ABLIM1: variants seen among roughly 807,000 people sequenced by gnomAD.
ABLIM1 encodes the protein actin-binding LIM protein 1.
Under a neutral mutation model 107.0 loss-of-function variants are expected in ABLIM1, and 40 were observed. That is an observed-to-expected ratio of 0.37 (90% confidence interval 0.29 to 0.49). The LOEUF (loss-of-function observed/expected upper bound fraction) is 0.49. Ranked by LOEUF, ABLIM1 falls within the 20% of genes least tolerant of loss-of-function variation. ABLIM1 has a pLI of 0.97. For synonymous variants in ABLIM1, 357 were observed against 357.3 expected (o/e 1.00, Z 0.01); for missense variants, 857 against 1,008.5 (o/e 0.85, Z 2.04).
intron 1 of ABLIM1, among the ~76,000 whole-genome samples, chr10:114,745,218 A>G (rs1270873876): frequency 1.3e-5 from 2 of 152,148 alleles, no homozygotes; most frequent in Non-Finnish European, 2.9e-5. Context: ...CTTAACTACA[A>G]TGCTATCCTG....
At chr10:114,738,189 C>T (rs1323821419) in intron 1 of ABLIM1, among the ~76,000 whole-genome samples, 1 of 152,144 alleles carries the variant, frequency 6.6e-6, no homozygotes, top group Non-Finnish European at 1.5e-5. Flanking sequence ...GCTGGGACTA[C>T]AGGCACGTGC....
intron 2 of ABLIM1, among the ~76,000 whole-genome samples, chr10:114,581,432 A>C (rs1591373173): frequency 6.6e-6 from 1 of 152,334 alleles, no homozygotes; most frequent in Admixed American, 6.5e-5. Flanking sequence ...AACATTTAAG[A>C]GAATGGGTCA....
At chr10:114,656,277 A>G (rs1253242215) in intron 1 of ABLIM1, among the ~76,000 whole-genome samples, 1 of 151,228 alleles carries the variant, frequency 6.6e-6, no homozygotes, top group Non-Finnish European at 1.5e-5. Context: ...CTCAAAAAAA[A>G]AAAAAAAAAA....
At chr10:114,801,187 G>A in the ABLIM1 span, among the ~76,000 whole-genome samples, 1 of 152,116 alleles carries the variant, frequency 6.6e-6, no homozygotes, top group Non-Finnish European at 1.5e-5. Flanking sequence ...GCTGAGGCGG[G>A]AGGATCACTT....
chr10:114,504,333 C>A (rs1295567701), intron 6 of ABLIM1, among the ~76,000 whole-genome samples: 1 of 152,202 alleles, frequency 6.6e-6, no homozygotes, highest in Non-Finnish European at 1.5e-5. Context: ...TCCAAAGTTA[C>A]AGAGCTAGAG....
At chr10:114,650,773 T>C (rs969013956) in intron 1 of ABLIM1, among the ~76,000 whole-genome samples, 6 of 152,212 alleles carry the variant, frequency 3.9e-5, no homozygotes, top group Non-Finnish European at 7.3e-5. Context: ...TTCCCTTCAG[T>C]GATATTTCTT....
intron 1 of ABLIM1, among the ~76,000 whole-genome samples, chr10:114,648,206 G>A (rs2079086950): frequency 1.3e-5 from 2 of 152,088 alleles, no homozygotes; most frequent in Non-Finnish European, 2.9e-5. Context: ...CTGAAAACAC[G>A]TTCACACAAA....
intron 5 of ABLIM1, among the ~76,000 whole-genome samples, chr10:114,545,744 G>A (rs1318172512): frequency 6.6e-6 from 1 of 151,778 alleles, no homozygotes; most frequent in East Asian, 1.9e-4. Flanking sequence ...GGCCAACATG[G>A]GGAAGCCCTG....
intron 8 of ABLIM1, among the ~76,000 whole-genome samples, chr10:114,481,234 C>A (rs1004305775): frequency 1.3e-5 from 2 of 152,064 alleles, no homozygotes; most frequent in Non-Finnish European, 2.9e-5. Context: ...CCACCATGCA[C>A]ATGGGTCGCC....
chr10:114,448,650 GTC>G (rs1288404811), intron 14 of ABLIM1, among the ~76,000 whole-genome samples: 1 of 146,024 alleles, frequency 6.8e-6, no homozygotes, highest in Admixed American at 6.6e-5. Context: ...GTCTCACTCT[GTC>G]GCCCAGGCTG....
At chr10:114,766,494 C>T (rs1259078372) in intron 1 of ABLIM1, among the ~76,000 whole-genome samples, 1 of 152,152 alleles carries the variant, frequency 6.6e-6, no homozygotes, top group Non-Finnish European at 1.5e-5. Context: ...ATTTCACATC[C>T]TCAGATAAAC....
intron 6 of ABLIM1, among the ~76,000 whole-genome samples, chr10:114,514,776 A>G (rs562880121): frequency 6.6e-6 from 1 of 152,328 alleles, no homozygotes; most frequent in East Asian, 1.9e-4. Flanking sequence ...GGCCTCCCAC[A>G]GGCCATTTAG....
At chr10:114,556,458 T>C (rs570411442) in intron 4 of ABLIM1, among the ~76,000 whole-genome samples, 1 of 152,206 alleles carries the variant, frequency 6.6e-6, no homozygotes, top group African/African-American at 2.4e-5. Flanking sequence ...GTGTGTCAGT[T>C]GCCACCTGTT....
At chr10:114,728,691 T>C (rs808356) in intron 1 of ABLIM1, among the ~76,000 whole-genome samples, 8,683 of 151,932 alleles carry the variant, frequency 0.057, 328 homozygotes, top group Middle Eastern at 0.093. Flanking sequence ...TTCGTCTACA[T>C]ATATATGTGA....
At chr10:114,548,306 T>A (rs1005690267) in intron 4 of ABLIM1, among the ~76,000 whole-genome samples, 4 of 152,212 alleles carry the variant, frequency 2.6e-5, no homozygotes, top group African/African-American at 9.6e-5. Flanking sequence ...ATCAATTAAG[T>A]GGCTCTTAAT....
At chr10:114,759,737 G>T (rs577391768) in intron 1 of ABLIM1, among the ~76,000 whole-genome samples, 1 of 152,022 alleles carries the variant, frequency 6.6e-6, no homozygotes, top group Non-Finnish European at 1.5e-5. Flanking sequence ...ATCAAAAGTC[G>T]ATCTTTTAAG....
At chr10:114,640,356 G>A (rs1176995093) in intron 1 of ABLIM1, among the ~76,000 whole-genome samples, 4 of 152,130 alleles carry the variant, frequency 2.6e-5, no homozygotes, top group African/African-American at 7.2e-5. Context: ...GCGAAACCTC[G>A]TCTCTACTAA....
chr10:114,451,226 A>G (rs2061837643), intron 14 of ABLIM1, among the ~76,000 whole-genome samples: 1 of 152,220 alleles, frequency 6.6e-6, no homozygotes, highest in Admixed American at 6.5e-5. Flanking sequence ...GCTCAGTCAA[A>G]TTAGTTTTTC....
At chr10:114,452,838 A>G (rs1401165707) in intron 13 of ABLIM1, among the ~76,000 whole-genome samples, 1 of 152,240 alleles carries the variant, frequency 6.6e-6, no homozygotes, top group East Asian at 1.9e-4. Context: ...AAATTGCAAG[A>G]TATCTTCACG....
Sources: allele counts gnomAD v4.1 joint callset (sites outside exome capture counted in the v4.1 genomes callset), GRCh38; gene constraint gnomAD v4.1.1; transcripts MANE v1.5; gene names NCBI Gene and HGNC (gene_info 2026-07-23, HGNC 2026-07-21).